Variants in EYS observed in about 807,000 individuals in gnomAD.
The protein encoded by EYS is EGF-like photoreceptor maintenance factor, also known as protein eyes shut homolog.
EYS carries 250 observed loss-of-function variants against 282.1 expected under a neutral mutation model. The ratio of observed to expected loss-of-function variants is 0.89; its 90% CI spans 0.80 to 0.98. The LOEUF (loss-of-function observed/expected upper bound fraction) is 0.98. Among genes scored for constraint, EYS ranks in the 50% least tolerant of loss-of-function variants. The pLI is 0.00. For synonymous variants in EYS, 1,355 were observed against 1,282.9 expected, an observed-to-expected ratio of 1.06 and a Z score of -1.20; for missense variants, 4,016 against 3,709.0, an observed-to-expected ratio of 1.08 and a Z score of -2.15.
At chr6:64,503,604 TCCAAACTGATAGTTTGGCTAC>T (rs1777121956) in intron 26 of EYS, among the ~76,000 whole-genome samples, 1 of 152,186 alleles carries the variant, frequency 6.6e-6, no homozygotes, top group Non-Finnish European at 1.5e-5. Flanking sequence ...TAATGCAGTG[TCCAAACTGATAGTTTGGCTAC>T]CCAAACATTT....
intron 12 of EYS, among the ~76,000 whole-genome samples, chr6:65,179,693 C>T (rs1018483580): frequency 6.6e-6 from 1 of 152,126 alleles, no homozygotes; most frequent in Non-Finnish European, 1.5e-5. Context: ...GGAATCCTCC[C>T]TAACTCATTT....
chr6:64,000,981 T>C (rs995051229), intron 33 of EYS, among the ~76,000 whole-genome samples: 1 of 152,126 alleles, frequency 6.6e-6, no homozygotes, highest in Admixed American at 6.5e-5. Flanking sequence ...AAAAACTCTA[T>C]AAACAAATGA....
intron 24 of EYS, among the ~76,000 whole-genome samples, chr6:64,616,046 A>G (rs1439334650): frequency 6.6e-6 from 1 of 152,094 alleles, no homozygotes; most frequent in Non-Finnish European, 1.5e-5. Flanking sequence ...GAGATTAACT[A>G]TTTCAGGAAA....
At chr6:63,855,324 T>A (rs574892621) in intron 36 of EYS, among the ~76,000 whole-genome samples, 2 of 152,236 alleles carry the variant, frequency 1.3e-5, no homozygotes, top group Admixed American at 6.5e-5. Flanking sequence ...ACAGATTATA[T>A]AAGAAGATGA....
chr6:65,044,812 T>C (rs892697810), intron 13 of EYS, among the ~76,000 whole-genome samples: 6 of 151,780 alleles, frequency 4.0e-5, no homozygotes, highest in Non-Finnish European at 8.8e-5. Context: ...TTTGGTACCC[T>C]TCCTTATGTG....
In EYS at chr6:64,649,880, G is replaced by A. The variant is rs750850695; in HGVS notation, c.3444-23635C>T. ...TCATAAATATATATCTAGAACCATG[G>A]CCCAAGGAAATAGAATATATTTTGT... is the stretch of plus-strand genomic sequence containing the variant. On this transcript the variant is annotated intron_variant, in intron 22 of 42. Transcript: ENST00000503581. 2.0e-5 allele frequency among the ~76,000 whole-genome samples: 3 copies of A among 151,788 alleles called. No homozygotes were observed. The East Asian group carries it at 5.8e-4, about 29-fold the overall frequency.
intron 26 of EYS, among the ~76,000 whole-genome samples, chr6:64,508,306 C>A (rs200184851): frequency 8.2e-6 from 1 of 122,170 alleles, no homozygotes; most frequent in Non-Finnish European, 1.7e-5. Flanking sequence ...CCGTTTAAAG[C>A]TAAATAAAAT....
chr6:63,943,720 G>A (rs1765308220), intron 35 of EYS, among the ~76,000 whole-genome samples: 1 of 152,104 alleles, frequency 6.6e-6, no homozygotes, highest in Admixed American at 6.5e-5. Flanking sequence ...TTACCAGAGA[G>A]GCATTGCCCT....
chr6:63,884,414 G>A (rs910170524), intron 35 of EYS, among the ~76,000 whole-genome samples: 38 of 152,258 alleles, frequency 2.5e-4, no homozygotes, highest in African/African-American at 9.1e-4. Flanking sequence ...ACCCTTGTGA[G>A]AGAGGGTATG....
At chr6:64,256,428 C>T (rs1401691182) in intron 30 of EYS, among the ~76,000 whole-genome samples, 1 of 151,940 alleles carries the variant, frequency 6.6e-6, no homozygotes, top group Non-Finnish European at 1.5e-5. Flanking sequence ...TAGGGGTTCA[C>T]AATGGATGGC....
intron 22 of EYS, among the ~76,000 whole-genome samples, chr6:64,626,852 C>T (rs965765015): frequency 3.3e-5 from 5 of 152,088 alleles, no homozygotes; most frequent in African/African-American, 9.7e-5. Context: ...CATGTATCTG[C>T]TTAAATCCAA....
chr6:65,400,870 G>A (rs1333353214), intron 7 of EYS, among the ~76,000 whole-genome samples: 2 of 151,850 alleles, frequency 1.3e-5, no homozygotes, highest in Non-Finnish European at 2.9e-5. Context: ...TAGAAGAGTA[G>A]TTAAACTAGT....
intron 31 of EYS, among the ~76,000 whole-genome samples, chr6:64,182,846 C>A (rs1764827167): frequency 6.6e-6 from 1 of 152,104 alleles, no homozygotes; most frequent in Non-Finnish European, 1.5e-5. Flanking sequence ...GCCTTCCACC[C>A]TACTCCTGTC....
At chr6:63,941,132 C>T (rs190778598) in intron 35 of EYS, among the ~76,000 whole-genome samples, 127 of 152,104 alleles carry the variant, frequency 8.3e-4, no homozygotes, top group African/African-American at 2.8e-3. Flanking sequence ...TGAATAGTGC[C>T]GCAATAAACA....
chr6:65,382,613 T>A (rs551522548), intron 8 of EYS, among the ~76,000 whole-genome samples: 138 of 151,888 alleles, frequency 9.1e-4, no homozygotes, highest in Non-Finnish European at 1.3e-3. Context: ...TATTAACTCA[T>A]ACTATCACAG....
At chr6:64,617,307 G>T (rs752032597) in intron 24 of EYS, 111 bp downstream of exon 24, 6 of 717,502 alleles carry the variant, frequency 8.4e-6, no homozygotes, top group Non-Finnish European at 1.5e-5. Flanking sequence ...GGAGAGATGC[G>T]CTGAAGATTA....
intron 12 of EYS, among the ~76,000 whole-genome samples, chr6:65,185,111 AT>A (rs973521924): frequency 6.6e-6 from 1 of 151,764 alleles, no homozygotes; most frequent in African/African-American, 2.4e-5. Flanking sequence ...ATAACATTTC[AT>A]TTTTATCATG....
chr6:65,621,530 A>T (rs1223033223), intron 2 of EYS, among the ~76,000 whole-genome samples: 3 of 149,822 alleles, frequency 2.0e-5, no homozygotes, highest in Non-Finnish European at 3.0e-5. Context: ...GTGTCTTTTA[A>T]TTGGACCATT....
At chr6:64,941,725 T>C (rs1223482171) in intron 15 of EYS, among the ~76,000 whole-genome samples, 1 of 152,066 alleles carries the variant, frequency 6.6e-6, no homozygotes, top group African/African-American at 2.4e-5. Flanking sequence ...GTTTTATGTT[T>C]CTGTATTAAT....
Sources: gnomAD v4.1 joint callset for allele counts (sites outside exome capture counted in the v4.1 genomes callset) on GRCh38, gnomAD v4.1.1 for gene constraint, MANE v1.5 for transcripts, NCBI Gene and HGNC (gene_info 2026-07-23, HGNC 2026-07-21) for gene names.